GULP1: variants seen among roughly 807,000 people sequenced by gnomAD.
The protein encoded by GULP1 is PTB domain-containing engulfment adapter protein 1.
In GULP1, 19 loss-of-function variants were observed where a neutral mutation model predicts 40.9. That is an observed-to-expected ratio of 0.46 (90% CI 0.32 to 0.68). GULP1 has a LOEUF of 0.68. Among genes scored for constraint, GULP1 ranks in the 30% least tolerant of loss-of-function variants. The pLI, the probability that GULP1 is intolerant of heterozygous loss-of-function variation, is 0.03. For synonymous variants in GULP1, 119 were observed against 117.6 expected, an observed-to-expected ratio of 1.01 and a Z score of -0.08; for missense variants, 312 against 362.2, an observed-to-expected ratio of 0.86 and a Z score of 1.12.
intron 4 of GULP1, among the ~76,000 whole-genome samples, chr2:188,485,507 C>CTTTTA: frequency 6.6e-6 from 1 of 151,804 alleles, no homozygotes; most frequent in African/African-American, 2.4e-5. Flanking sequence ...ATTAGGATGA[C>CTTTTA]CTCATAGTAG....
chr2:188,572,514 T>C (rs1383297978), intron 9 of GULP1, among the ~76,000 whole-genome samples: 7 of 152,176 alleles, frequency 4.6e-5, no homozygotes, highest in South Asian at 2.1e-4. Context: ...ATGTAGAAAA[T>C]TTATTGTATC....
intron 1 of GULP1, among the ~76,000 whole-genome samples, chr2:188,373,277 G>T (rs1043008234): frequency 6.6e-6 from 1 of 151,828 alleles, no homozygotes; most frequent in African/African-American, 2.4e-5. Flanking sequence ...GAGAAAAGTA[G>T]CCTAATACTT....
intron 2 of GULP1, among the ~76,000 whole-genome samples, chr2:188,459,479 A>G (rs551506768): frequency 6.6e-6 from 1 of 152,288 alleles, no homozygotes; most frequent in South Asian, 2.1e-4. Context: ...CTTTTGAGAA[A>G]TAGCTATTCA....
chr2:188,302,518 A>G (rs1392548985), intron 1 of GULP1, among the ~76,000 whole-genome samples: 1 of 152,184 alleles, frequency 6.6e-6, no homozygotes, highest in Non-Finnish European at 1.5e-5. Context: ...ATTAGTAACT[A>G]TTTAAATATA....
chr2:188,579,478 C>T (rs768797248), intron 9 of GULP1, among the ~76,000 whole-genome samples: 5 of 151,938 alleles, frequency 3.3e-5, no homozygotes, highest in African/African-American at 9.7e-5. Flanking sequence ...GTGTAATGAT[C>T]GAGTCAGGGT....
At chr2:188,449,460 G>C (rs893367599) in intron 2 of GULP1, among the ~76,000 whole-genome samples, 3 of 152,032 alleles carry the variant, frequency 2.0e-5, no homozygotes, top group Admixed American at 6.5e-5. Context: ...TGCTCACTAA[G>C]GATATTGTGT....
At chr2:188,435,399 C>T (rs2057311943) in intron 2 of GULP1, among the ~76,000 whole-genome samples, 1 of 151,990 alleles carries the variant, frequency 6.6e-6, no homozygotes, top group South Asian at 2.1e-4. Flanking sequence ...TTTATTTTCT[C>T]CAACACTGAT....
At chr2:188,584,057 C>T (rs1421341541) in intron 9 of GULP1, among the ~76,000 whole-genome samples, 1 of 152,150 alleles carries the variant, frequency 6.6e-6, no homozygotes, top group Non-Finnish European at 1.5e-5. Flanking sequence ...CAGAAATTTT[C>T]TATTGCTTTC....
At position 188,595,916 on chromosome 2, in the gene GULP1, T is replaced by A. The variant is rs909912950; in HGVS notation, c.*1905T>A. 6.6e-6 allele frequency: 1 copy of A among 152,320 alleles called. No homozygotes were observed. The highest frequency in any genetic ancestry group is 1.5e-5 in the Non-Finnish European group (1 of 67,826). The allele number at this position is 152,320 out of a possible 1,614,324, so 9.4% of individuals were successfully genotyped here. ...GTTTGGTTTTCCTGAAAATAAATGA[T>A]TTTAAATAAATTAAATTGCATAATT... On this transcript the variant is annotated 3_prime_UTR_variant, in exon 12 of 12. Transcript: ENST00000409830.
intron 6 of GULP1, among the ~76,000 whole-genome samples, chr2:188,537,744 G>C (rs1689306908): frequency 6.6e-6 from 1 of 151,976 alleles, no homozygotes; most frequent in South Asian, 2.1e-4. Context: ...TTTTGGGAAT[G>C]GTTACAGTGG....
intron 7 of GULP1, among the ~76,000 whole-genome samples, chr2:188,546,137 A>G (rs1437731185): frequency 1.3e-5 from 2 of 151,980 alleles, no homozygotes; most frequent in African/African-American, 4.8e-5. Context: ...TATAGTCGAA[A>G]TTTTACTGGC....
chr2:188,424,622 A>G (rs935422663), intron 2 of GULP1, among the ~76,000 whole-genome samples: 2 of 151,976 alleles, frequency 1.3e-5, no homozygotes, highest in African/African-American at 4.8e-5. Context: ...CCAGGTTTCA[A>G]ATTCCCAATT....
At chr2:188,535,240 G>A (rs1688623254) in intron 6 of GULP1, among the ~76,000 whole-genome samples, 1 of 151,846 alleles carries the variant, frequency 6.6e-6, no homozygotes, top group Non-Finnish European at 1.5e-5. Context: ...TTTGTTACCT[G>A]GGTATATTGC....
intron 4 of GULP1, among the ~76,000 whole-genome samples, chr2:188,497,817 A>G (rs1346476720): frequency 1.3e-5 from 2 of 151,972 alleles, no homozygotes; most frequent in Non-Finnish European, 2.9e-5. Flanking sequence ...TATGGTATAC[A>G]AAAGAATACA....
chr2:188,459,356 T>G (rs1198552790), intron 2 of GULP1, among the ~76,000 whole-genome samples: 1 of 152,156 alleles, frequency 6.6e-6, no homozygotes, highest in East Asian at 1.9e-4. Context: ...CGCTAGCATT[T>G]TTTATTGCCT....
intron 1 of GULP1, among the ~76,000 whole-genome samples, chr2:188,358,790 C>T (rs2045703686): frequency 6.6e-6 from 1 of 152,070 alleles, no homozygotes; most frequent in Non-Finnish European, 1.5e-5. Flanking sequence ...GCTTGCTTCA[C>T]ATACAATTCA....
chr2:188,431,517 G>A (rs1053427768), intron 2 of GULP1, among the ~76,000 whole-genome samples: 19 of 152,180 alleles, frequency 1.2e-4, no homozygotes, highest in African/African-American at 3.1e-4. Flanking sequence ...ACAATTTCAC[G>A]AAGAGTAATT....
At chr2:188,464,101 G>T (rs2059927442) in intron 2 of GULP1, among the ~76,000 whole-genome samples, 1 of 152,078 alleles carries the variant, frequency 6.6e-6, no homozygotes, top group African/African-American at 2.4e-5. Flanking sequence ...CCATTGAAGA[G>T]TTAGGTATTT....
intron 1 of GULP1, among the ~76,000 whole-genome samples, chr2:188,366,832 A>G (rs1042560638): frequency 6.6e-6 from 1 of 152,010 alleles, no homozygotes; most frequent in Non-Finnish European, 1.5e-5. Context: ...TGACCTCATG[A>G]TCCTCCCGAC....
Sources: gnomAD v4.1 joint callset for allele counts (sites outside exome capture counted in the v4.1 genomes callset) on GRCh38, gnomAD v4.1.1 for gene constraint, MANE v1.5 for transcripts, NCBI Gene and HGNC (gene_info 2026-07-23, HGNC 2026-07-21) for gene names.